The following CTDSP2 variants were observed in gnomAD, a reference collection of about 807,000 sequenced individuals.
The protein encoded by CTDSP2 is carboxy-terminal domain RNA polymerase II polypeptide A small phosphatase 2.
In CTDSP2, 9 loss-of-function variants were observed where a neutral mutation model predicts 31.6. The observed-to-expected ratio is 0.28, with a 90% CI of 0.17 to 0.50. The LOEUF is 0.50. Among genes scored for constraint, CTDSP2 ranks in the 20% least tolerant of loss-of-function variants. The pLI, the probability that CTDSP2 is intolerant of heterozygous loss-of-function variation, is 0.98. For missense variants in CTDSP2, 267 were observed against 348.5 expected, an observed-to-expected ratio of 0.77 and a Z score of 1.86; for synonymous variants, 134 against 134.5, an observed-to-expected ratio of 1.00 and a Z score of 0.03.
Position 57,824,425 on chromosome 12 carries a change from A to G in CTDSP2, c.412-106T>C, listed in dbSNP as rs1249990997. The G allele has an allele frequency of 4.7e-6, 4 of 853,648 alleles. No individual in the cohort carries two copies. The East Asian group carries it at 1.0e-4, about 22-fold the overall frequency. 52.9% of individuals were successfully genotyped at this position (853,648 alleles called of 1,614,324 possible). A position where few individuals can be genotyped will look rare whatever the true frequency, so the allele number is the denominator to read the frequency against. On this transcript the variant is annotated intron_variant, in intron 5 of 7. Transcript: ENST00000398073. ...GCAGCAAGGAGCTCTCAACCCCTGC[A>G]GCCCAGCCTCCTGGGCTACCTGGCT...
At chr12:57,843,324 ATTTCT>A (rs925776039) in intron 1 of CTDSP2, among the ~76,000 whole-genome samples, 1 of 152,122 alleles carries the variant, frequency 6.6e-6, no homozygotes, top group Non-Finnish European at 1.5e-5. Context: ...TGATATTAAC[ATTTCT>A]TTTTTCTTTT....
chr12:57,846,471 A>T lies in CTDSP2; in HGVS notation c.-36T>A. The T allele has an allele frequency of 6.5e-7, 1 of 1,532,430 alleles. No individual in the cohort carries two copies. Among genetic ancestry groups the T allele is most frequent in the Non-Finnish European group, 8.8e-7 (1 of 1,138,552 alleles). 94.9% of individuals were successfully genotyped at this position (1,532,430 alleles called of 1,614,324 possible). A position where few individuals can be genotyped will look rare whatever the true frequency, so the allele number is the denominator to read the frequency against. ...CGCGGGCCCGGGCTGGCTGGGCGGG[A>T]GGACGGGCGGGCGCGCGGGCTGGGC... On this transcript the variant is annotated 5_prime_UTR_variant, in exon 1 of 8. Coordinates refer to ENST00000398073, the MANE Select transcript of CTDSP2 (RefSeq NM_005730.4).
In CTDSP2 at chr12:57,824,193, C is replaced by T. The variant is rs371776245; in HGVS notation, c.504+34G>A. Reference sequence around the variant, plus strand: ...TGGACCACCCCCGTGGCCACCACACCCACTCCTGGTTCTTCCCTCTCACCC... The same window carrying T: ...TGGACCACCCCCGTGGCCACCACACTCACTCCTGGTTCTTCCCTCTCACCC... On this transcript the variant is annotated intron_variant, in intron 6 of 7. Transcript: ENST00000398073. 1.7e-5 allele frequency: 27 copies of T among 1,610,600 alleles called. No homozygotes were observed. In the East Asian group the frequency reaches 3.1e-4, roughly 19 times the overall value.
Position 57,821,549 on chromosome 12 carries a change from C to T in CTDSP2, c.*2053G>A, listed in dbSNP as rs1187385161. The T allele has an allele frequency of 5.9e-5, 9 of 152,630 alleles. No homozygotes were observed. The highest frequency in any genetic ancestry group is 1.2e-4 in the Non-Finnish European group (8 of 68,050). 9.5% of individuals were successfully genotyped at this position (152,630 alleles called of 1,614,324 possible). A position where few individuals can be genotyped will look rare whatever the true frequency, so the allele number is the denominator to read the frequency against. On this transcript the variant is annotated 3_prime_UTR_variant, in exon 8 of 8. Transcript: ENST00000398073. ...GGGCCTAGACGGCAAAAGATTTGGC[C>T]AAGGGCTAACCCTTAGGGTGGGGCT...
chr12:57,824,580 G>T (rs766887777), intron 5 of CTDSP2: 17 of 651,170 alleles, frequency 2.6e-5, no homozygotes, highest in South Asian at 1.7e-4. Flanking sequence ...TGTCCCAGGA[G>T]CCATCTCTGT....
intron 2 of CTDSP2, among the ~76,000 whole-genome samples, chr12:57,827,809 G>C (rs1270909862): frequency 2.0e-5 from 3 of 152,194 alleles, no homozygotes; most frequent in Admixed American, 2.0e-4. Flanking sequence ...GGATGGAGAA[G>C]ACAAGTGTCC....
At chr12:57,841,535 G>A (rs1451858244) in intron 1 of CTDSP2, among the ~76,000 whole-genome samples, 1 of 152,170 alleles carries the variant, frequency 6.6e-6, no homozygotes, top group Non-Finnish European at 1.5e-5. Context: ...CCCACCCCCA[G>A]ATGCCCAGGC....
intron 5 of CTDSP2, among the ~76,000 whole-genome samples, chr12:57,825,455 G>A (rs1469175985): frequency 2.2e-4 from 34 of 152,134 alleles, no homozygotes; most frequent in Admixed American, 2.0e-3. Flanking sequence ...ACCCTTCCTT[G>A]TTAGCCAGGA....
chr12:57,824,778 CT>C, intron 5 of CTDSP2: 3 of 465,824 alleles, frequency 6.4e-6, no homozygotes, highest in South Asian at 3.0e-5. Context: ...GGAGAAGTGA[CT>C]TTTTCCCCTC....
chr12:57,836,793 C>G (rs2140481495), intron 1 of CTDSP2, among the ~76,000 whole-genome samples: 2 of 152,322 alleles, frequency 1.3e-5, no homozygotes, highest in South Asian at 4.2e-4. Flanking sequence ...CTTTGTGTCC[C>G]AGCAAAGGAA....
intron 1 of CTDSP2, among the ~76,000 whole-genome samples, chr12:57,830,577 C>T (rs1956209822): frequency 6.6e-6 from 1 of 152,150 alleles, no homozygotes; most frequent in Non-Finnish European, 1.5e-5. Flanking sequence ...AAGGCCCCCT[C>T]CCCTCAAGGA....
intron 5 of CTDSP2, chr12:57,824,523 T>A: frequency 1.5e-6 from 1 of 666,594 alleles, no homozygotes; most frequent in Non-Finnish European, 2.8e-6. Context: ...TTCCAATGGA[T>A]CAGTGGTCCC....
At chr12:57,843,578 A>C (rs1415131610) in intron 1 of CTDSP2, among the ~76,000 whole-genome samples, 4 of 152,080 alleles carry the variant, frequency 2.6e-5, no homozygotes, top group Non-Finnish European at 5.9e-5. Flanking sequence ...CTAAATAGCC[A>C]CCCAAGCTAG....
At chr12:57,841,134 A>G (rs529377589) in intron 1 of CTDSP2, among the ~76,000 whole-genome samples, 1 of 152,330 alleles carries the variant, frequency 6.6e-6, no homozygotes, top group South Asian at 2.1e-4. Context: ...CCATTTCAGA[A>G]AAGTGAGGGA....
chr12:57,823,806 G>A (rs1200774502), intron 7 of CTDSP2, 79 bp from the exon 8 acceptor site: 24 of 1,609,254 alleles, frequency 1.5e-5, no homozygotes, highest in Non-Finnish European at 2.0e-5. Context: ...GAGGGTGGCT[G>A]GGTCTTCCTG....
intron 1 of CTDSP2, among the ~76,000 whole-genome samples, chr12:57,830,310 A>G (rs1300129884): frequency 1.3e-5 from 2 of 152,100 alleles, no homozygotes; most frequent in Non-Finnish European, 2.9e-5. Context: ...GCGTGAACCC[A>G]GGAGATGGAG....
In CTDSP2 at chr12:57,829,557, C is replaced by T. The variant is rs752762135; in HGVS notation, c.104G>A (p.Arg35His). 19 of 1,614,000 alleles carry T rather than the reference C, an allele frequency of 1.2e-5. No homozygotes were observed. The highest frequency in any genetic ancestry group is 9.3e-5 in the African/African-American group (7 of 74,892). ...SKSSPKKPRG[R>H]NIFKALFCCF... Reference sequence around the variant, plus strand: ...GCAGAAAAGGGCCTTGAAGATGTTACGTCCACGAGGCTTCTTAGGAGAGGA... The same window carrying T: ...GCAGAAAAGGGCCTTGAAGATGTTATGTCCACGAGGCTTCTTAGGAGAGGA... The change falls in exon 2 of 8, where the codon CGT (arginine) becomes CAT (histidine). Residue 35 changes from arginine (R) to histidine (H), a missense_variant. Arg to His is a conservative substitution (Grantham distance 29). Around this residue, in one of 2 missense-constraint regions of CTDSP2, gnomAD observed 111 missense variants for 107.1 expected, o/e 1.04. Transcript: ENST00000398073.
chr12:57,836,823 C>T (rs1049695571), intron 1 of CTDSP2, among the ~76,000 whole-genome samples: 2 of 152,154 alleles, frequency 1.3e-5, no homozygotes, highest in African/African-American at 4.8e-5. Flanking sequence ...CATCTGCCTG[C>T]GATTCAGCAG....
intron 1 of CTDSP2, among the ~76,000 whole-genome samples, chr12:57,831,827 C>T (rs1249411203): frequency 6.6e-6 from 1 of 152,192 alleles, no homozygotes; most frequent in Non-Finnish European, 1.5e-5. Context: ...AGGAGGAAGA[C>T]AATGTGGTAG....
Sources: allele counts gnomAD v4.1 joint callset (sites outside exome capture counted in the v4.1 genomes callset), GRCh38; gene constraint gnomAD v4.1.1; regional missense constraint gnomAD v4.1.1; transcripts MANE v1.5; gene names NCBI Gene and HGNC (gene_info 2026-07-23, HGNC 2026-07-21).